Variants in SLC39A11 observed in about 807,000 individuals in gnomAD.
The protein encoded by SLC39A11 is solute carrier family 39 member 11, also known as zinc transporter ZIP11.
Under a neutral mutation model 36.1 loss-of-function variants are expected in SLC39A11, and 33 were observed. That is an observed-to-expected ratio of 0.91 (90% CI 0.69 to 1.22). The LOEUF is 1.22. Ranked by LOEUF, SLC39A11 falls within the 50% of genes most tolerant of loss-of-function variation. The pLI is 0.00. For synonymous variants in SLC39A11, 166 were observed against 170.3 expected (o/e 0.97, Z 0.20); for missense variants, 432 against 430.3 (o/e 1.00, Z -0.03).
rs1414105114 is a variant in SLC39A11, at chr17:72,786,817, T to C, written c.602-50098A>G. ...CTCTAGGCAGAGAGGCAATCCCATA[T>C]CTATTTTTCTTGTTTTTTTTGAGAT... is the stretch of plus-strand genomic sequence containing the variant. On this transcript the variant is annotated intron_variant, in intron 6 of 9. Coordinates refer to ENST00000255559, the MANE Select transcript of SLC39A11 (RefSeq NM_139177.4). 5.3e-5 allele frequency among the ~76,000 whole-genome samples: 8 copies of C among 151,288 alleles called. No individual in the cohort carries two copies. The East Asian group carries it at 1.5e-3, about 29-fold the overall frequency.
chr17:72,964,373 G>A (rs912197947), intron 4 of SLC39A11, among the ~76,000 whole-genome samples: 3 of 152,188 alleles, frequency 2.0e-5, no homozygotes, highest in Non-Finnish European at 4.4e-5. Flanking sequence ...CTCCCGGTCC[G>A]CATCAGCCAC....
chr17:72,716,980 A>AAAAT (rs1555646774), intron 7 of SLC39A11, among the ~76,000 whole-genome samples: 29 of 130,478 alleles, frequency 2.2e-4, no homozygotes, highest in South Asian at 9.4e-4. Context: ...AAAAAAAAAA[A>AAAAT]ATATATATAT....
chr17:72,916,586 T>G (rs374208869), intron 5 of SLC39A11, among the ~76,000 whole-genome samples: 2 of 152,228 alleles, frequency 1.3e-5, no homozygotes, highest in South Asian at 2.1e-4. Context: ...TCCTTCTGTT[T>G]CACAAACCCT....
intron 3 of SLC39A11, among the ~76,000 whole-genome samples, chr17:73,076,802 CTTTTTTTTTT>C (rs76799031): frequency 2.7e-4 from 37 of 139,450 alleles, no homozygotes; most frequent in African/African-American, 9.8e-4. Flanking sequence ...TTCTTTTTTT[CTTTTTTTTTT>C]TTTTTTACAT....
At chr17:72,786,956 A>T (rs977973419) in intron 6 of SLC39A11, among the ~76,000 whole-genome samples, 1 of 130,498 alleles carries the variant, frequency 7.7e-6, no homozygotes, top group Non-Finnish European at 1.7e-5. Context: ...GGTAGCTGGG[A>T]TTACAGGCAC....
At chr17:72,990,588 C>T (rs556535514) in intron 4 of SLC39A11, among the ~76,000 whole-genome samples, 17 of 152,188 alleles carry the variant, frequency 1.1e-4, no homozygotes, top group African/African-American at 4.1e-4. Context: ...CCAGGTCCAG[C>T]TAATTTTTTT....
At chr17:72,956,041 C>T (rs1289144002) in intron 4 of SLC39A11, among the ~76,000 whole-genome samples, 1 of 152,108 alleles carries the variant, frequency 6.6e-6, no homozygotes, top group Non-Finnish European at 1.5e-5. Context: ...TCCTTTCTGG[C>T]ATAAATAGTC....
Position 72,825,023 on chromosome 17 carries a change from T to C in SLC39A11, c.601+24611A>G, listed in dbSNP as rs762122724. On this transcript the variant is annotated intron_variant, in intron 6 of 9. Coordinates refer to ENST00000255559, the MANE Select transcript of SLC39A11 (RefSeq NM_139177.4). Reference sequence around the variant, plus strand: ...GAAAAGTTCAAGCCAGCTGCAGAAATATACATAAGTAAAGAGGGGCCGAAT... The same window carrying C: ...GAAAAGTTCAAGCCAGCTGCAGAAACATACATAAGTAAAGAGGGGCCGAAT... Among the ~76,000 whole-genome samples the C allele has an allele frequency of 8.6e-5, 13 of 151,310 alleles. 1 individual carries two copies. Among genetic ancestry groups the C allele is most frequent in the Non-Finnish European group, 1.6e-4 (11 of 67,528 alleles).
chr17:72,737,286 A>T (rs2074471542), intron 6 of SLC39A11, among the ~76,000 whole-genome samples: 1 of 151,948 alleles, frequency 6.6e-6, no homozygotes, highest in Admixed American at 6.6e-5. Flanking sequence ...AAAAAAAAAA[A>T]AATAAAAATA....
chr17:72,647,116 T>C lies in SLC39A11; in HGVS notation c.*468A>G, dbSNP rs2069595060. On this transcript the variant is annotated 3_prime_UTR_variant, in exon 10 of 10. Coordinates refer to ENST00000255559, the MANE Select transcript of SLC39A11 (RefSeq NM_139177.4). ...TCTTTATGATGCTCCAGTTCCAACA[T>C]TCTAGATGGGGAGAGGCTCAGCAGT... is the stretch of plus-strand genomic sequence containing the variant. 1 of 153,086 alleles carries C rather than the reference T, an allele frequency of 6.5e-6. No homozygotes were observed. 9.5% of individuals were successfully genotyped at this position (153,086 alleles called of 1,614,324 possible). A position where few individuals can be genotyped will look rare whatever the true frequency, so the allele number is the denominator to read the frequency against.
At chr17:73,087,101 C>T (rs887185979) in intron 2 of SLC39A11, among the ~76,000 whole-genome samples, 23 of 151,984 alleles carry the variant, frequency 1.5e-4, no homozygotes, top group Non-Finnish European at 2.9e-4. Flanking sequence ...AAACTCTGTA[C>T]TCATTCAAGA....
intron 6 of SLC39A11, among the ~76,000 whole-genome samples, chr17:72,843,241 G>A (rs939661380): frequency 2.6e-5 from 4 of 152,142 alleles, no homozygotes; most frequent in South Asian, 2.1e-4. Context: ...GAGCCACCGC[G>A]CCCGGCCTGG....
intron 6 of SLC39A11, chr17:72,823,463 G>A (rs1285502035): frequency 6.6e-6 from 1 of 151,224 alleles, no homozygotes; most frequent in Non-Finnish European, 1.5e-5. Flanking sequence ...AGTCTTTAAA[G>A]TGGCACAAAT....
intron 5 of SLC39A11, among the ~76,000 whole-genome samples, chr17:72,859,138 A>G (rs761831976): frequency 6.6e-6 from 1 of 152,180 alleles, no homozygotes; most frequent in African/African-American, 2.4e-5. Flanking sequence ...TCTTTTCAAA[A>G]GAAGAGGATG....
intron 6 of SLC39A11, among the ~76,000 whole-genome samples, chr17:72,812,746 C>A (rs1386032874): frequency 6.6e-6 from 1 of 152,154 alleles, no homozygotes; most frequent in Non-Finnish European, 1.5e-5. Context: ...ACTACAATGA[C>A]AAATAAATAG....
chr17:73,009,269 T>C lies in SLC39A11; in HGVS notation c.306+22287A>G, dbSNP rs1292350566. Among the ~76,000 whole-genome samples the C allele has an allele frequency of 1.6e-3, 232 of 145,354 alleles. 3 individuals are homozygous for C. The highest frequency in any genetic ancestry group is 4.8e-4 in the Non-Finnish European group (32 of 67,162). On this transcript the variant is annotated intron_variant, in intron 4 of 9. Transcript: ENST00000255559. ...CTGTAGTCCCCGCTACGGGGGAGGC[T>C]GAGGCAGGAGAATGGCGTGAGCTTG...
chr17:72,697,280 G>C (rs1437193850), intron 7 of SLC39A11, among the ~76,000 whole-genome samples: 2 of 151,930 alleles, frequency 1.3e-5, no homozygotes, highest in Non-Finnish European at 2.9e-5. Context: ...ATGGGGTTTC[G>C]CCATGTTGCC....
intron 4 of SLC39A11, among the ~76,000 whole-genome samples, chr17:72,980,760 C>T (rs1048354463): frequency 6.6e-6 from 1 of 152,158 alleles, no homozygotes; most frequent in South Asian, 2.1e-4. Flanking sequence ...CACGGTGGCT[C>T]ATGCCTGTAA....
intron 4 of SLC39A11, among the ~76,000 whole-genome samples, chr17:72,948,722 G>A (rs972660388): frequency 6.6e-6 from 1 of 152,154 alleles, no homozygotes; most frequent in African/African-American, 2.4e-5. Flanking sequence ...TGACTGTTTC[G>A]CATTAACCAG....
Sources: gnomAD v4.1 joint callset for allele counts (sites outside exome capture counted in the v4.1 genomes callset) on GRCh38, gnomAD v4.1.1 for gene constraint, MANE v1.5 for transcripts, NCBI Gene and HGNC (gene_info 2026-07-23, HGNC 2026-07-21) for gene names.